Variants in BRINP3 observed in about 807,000 individuals in gnomAD.
The protein encoded by BRINP3 is BMP/retinoic acid inducible neural specific 3.
In BRINP3, 19 loss-of-function variants were observed where a neutral mutation model predicts 71.0. The observed-to-expected ratio is 0.27, with a 90% CI of 0.19 to 0.39. The LOEUF (loss-of-function observed/expected upper bound fraction) is 0.39. Ranked by LOEUF, BRINP3 falls within the 10% of genes least tolerant of loss-of-function variation. BRINP3 has a pLI of 1.00. For synonymous variants in BRINP3, 380 were observed against 337.7 expected (o/e 1.13, Z -1.37); for missense variants, 959 against 940.8 (o/e 1.02, Z -0.25).
intron 7 of BRINP3, among the ~76,000 whole-genome samples, chr1:190,119,953 C>A (rs902645059): frequency 6.6e-6 from 1 of 152,210 alleles, no homozygotes; most frequent in Non-Finnish European, 1.5e-5. Flanking sequence ...TGTTTGTTAG[C>A]TTAACTCTTT....
intron 3 of BRINP3, among the ~76,000 whole-genome samples, chr1:190,276,545 T>G (rs1164406633): frequency 6.6e-6 from 1 of 150,462 alleles, no homozygotes; most frequent in Non-Finnish European, 1.5e-5. Context: ...ACTTACACTT[T>G]CTTTAAAAGA....
chr1:190,272,767 T>A (rs1344008582), intron 3 of BRINP3, among the ~76,000 whole-genome samples: 1 of 151,470 alleles, frequency 6.6e-6, no homozygotes, highest in Non-Finnish European at 1.5e-5. Context: ...TTGCTCATGG[T>A]TCTTCTCTAC....
chr1:190,273,609 T>C (rs892685688), intron 3 of BRINP3, among the ~76,000 whole-genome samples: 3 of 151,588 alleles, frequency 2.0e-5, no homozygotes, highest in African/African-American at 7.3e-5. Context: ...TGTTATACCA[T>C]GGCTGGCTCA....
At chr1:190,329,598 C>T (rs11579859) in intron 2 of BRINP3, among the ~76,000 whole-genome samples, 2 of 151,754 alleles carry the variant, frequency 1.3e-5, no homozygotes, top group Non-Finnish European at 2.9e-5. Context: ...TTAAAATGAA[C>T]ATATTATCGA....
intron 2 of BRINP3, among the ~76,000 whole-genome samples, chr1:190,359,150 T>TA (rs1668958524): frequency 6.6e-6 from 1 of 151,806 alleles, no homozygotes; most frequent in Admixed American, 6.6e-5. Context: ...CCCTAAAACT[T>TA]AAAGTATAAT....
chr1:190,470,564 G>A (rs1204998845), intron 1 of BRINP3, among the ~76,000 whole-genome samples: 1 of 150,954 alleles, frequency 6.6e-6, no homozygotes, highest in Non-Finnish European at 1.5e-5. Context: ...GTAAAAATAG[G>A]TTGCACTGAG....
chr1:190,437,968 A>G (rs545064172), intron 2 of BRINP3, among the ~76,000 whole-genome samples: 333 of 151,612 alleles, frequency 2.2e-3, no homozygotes, highest in African/African-American at 7.6e-3. Flanking sequence ...TCTAAAACAA[A>G]TATCAGTGGG....
At chr1:190,427,050 T>C (rs1385375521) in intron 2 of BRINP3, among the ~76,000 whole-genome samples, 1 of 151,914 alleles carries the variant, frequency 6.6e-6, no homozygotes, top group Non-Finnish European at 1.5e-5. Context: ...ATACTATTCT[T>C]TCTAGTGTTA....
rs80099809 is a variant in BRINP3 at position 190,184,836 on chromosome 1, T to C, written c.962-23946A>G. Among the ~76,000 whole-genome samples the C allele has an allele frequency of 4.9e-3, 744 of 152,144 alleles. 6 individuals are homozygous for C. The highest frequency in any genetic ancestry group is 0.017 in the African/African-American group (701 of 41,528). On this transcript the variant is annotated intron_variant, in intron 6 of 7. Coordinates refer to ENST00000367462, the MANE Select transcript of BRINP3 (RefSeq NM_199051.3). ...GATCAATCATACCCTAACCTCAGCA[T>C]CAAGCAATACACCCATGCAACAAAC... is the stretch of plus-strand genomic sequence containing the variant.
At chr1:190,104,089 G>C (rs1031847400) in intron 7 of BRINP3, among the ~76,000 whole-genome samples, 1 of 151,970 alleles carries the variant, frequency 6.6e-6, no homozygotes, top group Non-Finnish European at 1.5e-5. Flanking sequence ...TGTGTTGAAA[G>C]TTTTGTTTCA....
chr1:190,204,670 A>G (rs1005354480), intron 6 of BRINP3, among the ~76,000 whole-genome samples: 1 of 152,098 alleles, frequency 6.6e-6, no homozygotes, highest in Non-Finnish European at 1.5e-5. Flanking sequence ...TATCAGATGG[A>G]TAGGTCAGAC....
At chr1:190,343,623 C>A in intron 2 of BRINP3, among the ~76,000 whole-genome samples, 1 of 151,416 alleles carries the variant, frequency 6.6e-6, no homozygotes, top group East Asian at 1.9e-4. Context: ...ATAATAAAAA[C>A]CATTACTAGT....
At chr1:190,433,564 T>A (rs1444401767) in intron 2 of BRINP3, among the ~76,000 whole-genome samples, 1 of 152,136 alleles carries the variant, frequency 6.6e-6, no homozygotes. Flanking sequence ...AGAGATACCA[T>A]CTCTTACTAT....
intron 3 of BRINP3, among the ~76,000 whole-genome samples, chr1:190,269,519 T>G (rs1439331240): frequency 1.3e-5 from 2 of 152,080 alleles, no homozygotes; most frequent in Non-Finnish European, 2.9e-5. Flanking sequence ...AAATGGTTAA[T>G]TCCTCTAACA....
chr1:190,462,384 A>G (rs961541112), intron 1 of BRINP3, among the ~76,000 whole-genome samples: 1 of 152,166 alleles, frequency 6.6e-6, no homozygotes, highest in African/African-American at 2.4e-5. Flanking sequence ...CAGAAACTAT[A>G]TATGAAAGTC....
At chr1:190,117,990 C>T (rs1279777036) in intron 7 of BRINP3, among the ~76,000 whole-genome samples, 6 of 151,990 alleles carry the variant, frequency 3.9e-5, no homozygotes, top group African/African-American at 9.7e-5. Flanking sequence ...TAATTAATAA[C>T]ATGCACAGCA....
At chr1:190,353,363 T>A (rs1472024267) in intron 2 of BRINP3, among the ~76,000 whole-genome samples, 2 of 152,160 alleles carry the variant, frequency 1.3e-5, no homozygotes, top group Admixed American at 6.6e-5. Flanking sequence ...CCACTTTGAT[T>A]AGTGACTAAG....
At position 190,113,239 on chromosome 1, in the gene BRINP3, ATAAT is replaced by A. The variant is rs575953583; in HGVS notation, c.1185-14109_1185-14106del. On this transcript the variant is annotated intron_variant, in intron 7 of 7. Transcript: ENST00000367462. ...TTCCACTCCTCCTCATCCTTAATTA[ATAAT>A]TAAGTCAATTGATTAATTATCATTC... 3.8e-3 allele frequency among the ~76,000 whole-genome samples: 573 copies of A among 152,070 alleles called. 6 individuals are homozygous for A. Among genetic ancestry groups the A allele is most frequent in the Middle Eastern group, 3.4e-3 (1 of 294 alleles).
intron 2 of BRINP3, among the ~76,000 whole-genome samples, chr1:190,282,187 C>A (rs1236264851): frequency 1.3e-5 from 2 of 151,140 alleles, no homozygotes; most frequent in Admixed American, 6.6e-5. Context: ...ACATAAAAAA[C>A]CTCAGGAATA....
Sources: gnomAD v4.1 joint callset for allele counts (sites outside exome capture counted in the v4.1 genomes callset) on GRCh38, gnomAD v4.1.1 for gene constraint, MANE v1.5 for transcripts, NCBI Gene and HGNC (gene_info 2026-07-23, HGNC 2026-07-21) for gene names.